Variants in ZBTB46 observed in about 807,000 individuals in gnomAD.
The protein encoded by ZBTB46 is zinc finger and BTB domain containing 46, also known as zinc finger and BTB domain-containing protein 46.
Under a neutral mutation model 44.1 loss-of-function variants are expected in ZBTB46, and 8 were observed. That is an observed-to-expected ratio of 0.18 (90% CI 0.11 to 0.33). ZBTB46 has a LOEUF of 0.33. Among genes scored for constraint, ZBTB46 ranks in the 10% least tolerant of loss-of-function variants. The pLI is 1.00. For missense variants in ZBTB46, 651 were observed against 847.7 expected (o/e 0.77, Z 2.88); for synonymous variants, 409 against 382.3 (o/e 1.07, Z -0.81).
chr20:63,780,987 A>G (rs1027415977), intron 2 of ZBTB46, among the ~76,000 whole-genome samples: 3 of 144,106 alleles, frequency 2.1e-5, no homozygotes, highest in Non-Finnish European at 4.6e-5. Flanking sequence ...AAAAAAATAC[A>G]AAAATTAGCT....
intron 3 of ZBTB46, among the ~76,000 whole-genome samples, chr20:63,763,954 GCTTT>G (rs1365740878): frequency 1.3e-5 from 2 of 152,004 alleles, no homozygotes; most frequent in Non-Finnish European, 2.9e-5. Flanking sequence ...CTTATCTGGT[GCTTT>G]CTTTTTTCTT....
upstream of ZBTB46, among the ~76,000 whole-genome samples, chr20:63,832,856 C>T (rs1487702323): frequency 6.6e-6 from 1 of 152,094 alleles, no homozygotes; most frequent in East Asian, 1.9e-4. The surrounding 1 kb of genome is among the most constrained non-coding windows in gnomAD (Gnocchi z 5.0). Flanking sequence ...TGGCGGGTCA[C>T]GTGCATCCCC....
chr20:63,775,147 AT>A (rs968891772), intron 3 of ZBTB46: 2 of 152,730 alleles, frequency 1.3e-5, no homozygotes, highest in Admixed American at 6.5e-5. Flanking sequence ...AGCTGGGGAC[AT>A]TTACGTTTTA....
intron 4 of ZBTB46, 52 bp from the exon 5 acceptor site, chr20:63,747,353 G>A: frequency 2.5e-6 from 3 of 1,179,020 alleles, no homozygotes; most frequent in Non-Finnish European, 3.3e-6. Flanking sequence ...GGGGGGCGGG[G>A]CAGGGGGTGA....
At chr20:63,821,000 C>T (rs1358481306) in intron 1 of ZBTB46, among the ~76,000 whole-genome samples, 1 of 151,954 alleles carries the variant, frequency 6.6e-6, no homozygotes, top group Non-Finnish European at 1.5e-5. Context: ...TCAAAAGATT[C>T]TCCTGCCTCA....
intron 3 of ZBTB46, among the ~76,000 whole-genome samples, chr20:63,754,157 A>T (rs1327457930): frequency 6.6e-6 from 1 of 152,226 alleles, no homozygotes; most frequent in Non-Finnish European, 1.5e-5. Flanking sequence ...AGCACCTCTG[A>T]CCAGCTGGCT....
intron 3 of ZBTB46, among the ~76,000 whole-genome samples, chr20:63,756,741 C>T (rs996963163): frequency 6.6e-5 from 10 of 152,234 alleles, no homozygotes; most frequent in African/African-American, 1.9e-4. Flanking sequence ...AATCACCACA[C>T]GTTTTATTGC....
chr20:63,821,709 A>G (rs960010618), intron 1 of ZBTB46, among the ~76,000 whole-genome samples: 5 of 152,164 alleles, frequency 3.3e-5, no homozygotes, highest in African/African-American at 1.2e-4. Flanking sequence ...CGGCCTCCCA[A>G]AGTGCTGGGA....
At chr20:63,797,171 C>A (rs1360642883) in intron 1 of ZBTB46, among the ~76,000 whole-genome samples, 1 of 126,980 alleles carries the variant, frequency 7.9e-6, no homozygotes, top group Non-Finnish European at 1.6e-5. Flanking sequence ...CCCCACCCCA[C>A]AACAGGCCCT....
intron 1 of ZBTB46, among the ~76,000 whole-genome samples, chr20:63,808,310 A>G (rs2092695199): frequency 6.6e-6 from 1 of 152,202 alleles, no homozygotes; most frequent in South Asian, 2.1e-4. Flanking sequence ...TAGGCCAGTC[A>G]AGCCATCCTT....
At chr20:63,827,626 A>C (rs1430874307) in intron 1 of ZBTB46, among the ~76,000 whole-genome samples, 1 of 129,026 alleles carries the variant, frequency 7.8e-6, no homozygotes, top group Non-Finnish European at 1.7e-5. Context: ...AAAAAAAAAA[A>C]ACAAAAAAAA....
intron 3 of ZBTB46, among the ~76,000 whole-genome samples, chr20:63,754,780 T>C (rs2092204769): frequency 6.6e-6 from 1 of 151,754 alleles, no homozygotes; most frequent in African/African-American, 2.4e-5. Context: ...TTTGTATTTT[T>C]AGTAGAGACG....
intron 3 of ZBTB46, among the ~76,000 whole-genome samples, chr20:63,766,853 G>A (rs932531473): frequency 1.3e-5 from 2 of 152,208 alleles, no homozygotes; most frequent in South Asian, 4.1e-4. Context: ...GGGCTGTTGG[G>A]CAGATGGTGG....
At chr20:63,766,831 C>T (rs560423074) in intron 3 of ZBTB46, among the ~76,000 whole-genome samples, 26 of 152,276 alleles carry the variant, frequency 1.7e-4, no homozygotes, top group Admixed American at 9.8e-4. Context: ...GGGGACCGTC[C>T]GGAAAGGGGA....
rs118090769 is a variant in ZBTB46, at chr20:63,823,630, C to T, written c.-34+7467G>A. 3.1e-4 allele frequency among the ~76,000 whole-genome samples: 47 copies of T among 151,536 alleles called. No homozygotes were observed. The East Asian group carries it at 7.2e-3, about 23-fold the overall frequency. On this transcript the variant is annotated intron_variant, in intron 1 of 4. Transcript: ENST00000245663. ...GTGGGAGGATCACCTTAGCCCAGGTCGAGGCCGCAGTGAGCCATGACTGTG... is the reference window on the plus strand; with the variant it reads ...GTGGGAGGATCACCTTAGCCCAGGTTGAGGCCGCAGTGAGCCATGACTGTG...
At position 63,790,325 on chromosome 20, in the gene ZBTB46, C is replaced by T. The variant is rs775400060; in HGVS notation, c.433G>A (p.Glu145Lys). Reference sequence around the variant, plus strand: ...CTGCTGCTGGACGAGGCGCCGATCTCGAACTCCGCAAGCTCATCTGAGGCG... The same window carrying T: ...CTGCTGCTGGACGAGGCGCCGATCTTGAACTCCGCAAGCTCATCTGAGGCG... ...SDASDELAEF[E>K]IGASSSSSTE... The change falls in exon 2 of 5, where the codon GAG becomes AAG. Residue 145 changes from glutamate (E) to lysine (K), a missense_variant. Coordinates refer to ENST00000245663, the MANE Select transcript of ZBTB46 (RefSeq NM_001369741.1). 14 of 1,612,978 alleles carry T rather than the reference C, an allele frequency of 8.7e-6. No homozygotes were observed. In the South Asian group the frequency reaches 1.1e-4, roughly 13 times the overall value.
At chr20:63,775,298 A>G (rs1267260731) in intron 3 of ZBTB46, 4 of 196,512 alleles carry the variant, frequency 2.0e-5, no homozygotes, top group Non-Finnish European at 4.1e-5. Flanking sequence ...CCTCAGCACG[A>G]AGGCGACAGA....
intron 2 of ZBTB46, among the ~76,000 whole-genome samples, chr20:63,786,296 C>A (rs2092513775): frequency 6.6e-6 from 1 of 152,198 alleles, no homozygotes; most frequent in South Asian, 2.1e-4. Context: ...CACAGCAGCA[C>A]ATAGAGAAAC....
chr20:63,814,593 C>T (rs2092737419), intron 1 of ZBTB46, among the ~76,000 whole-genome samples: 1 of 152,142 alleles, frequency 6.6e-6, no homozygotes, highest in Non-Finnish European at 1.5e-5. Flanking sequence ...CTCCCACCCC[C>T]AGGCAAGGGT....
Sources: allele counts gnomAD v4.1 joint callset (sites outside exome capture counted in the v4.1 genomes callset), GRCh38; gene constraint gnomAD v4.1.1; non-coding constraint Gnocchi (gnomAD v3.1); transcripts MANE v1.5; gene names NCBI Gene and HGNC (gene_info 2026-07-23, HGNC 2026-07-21).